Variants in GOLGA2 observed in about 807,000 individuals in gnomAD.
GOLGA2 encodes golgin A2.
A neutral mutation model predicts 148.8 loss-of-function variants in GOLGA2; 49 were observed. The observed-to-expected ratio is 0.33, with a 90% CI of 0.26 to 0.42. GOLGA2 has a LOEUF of 0.42. Among genes scored for constraint, GOLGA2 ranks in the 10% least tolerant of loss-of-function variants. The pLI is 1.00. For synonymous variants in GOLGA2, 501 were observed against 511.8 expected (o/e 0.98, Z 0.28); for missense variants, 1,178 against 1,304.6 (o/e 0.90, Z 1.49).
chr9:128,256,957 A>G lies in GOLGA2; in HGVS notation c.*110T>C, dbSNP rs373245132. 5.0e-6 allele frequency: 4 copies of G among 807,158 alleles called. 1 individual carries two copies. The highest frequency in any genetic ancestry group is 4.9e-5 in the South Asian group (3 of 60,942). 50.0% of individuals were successfully genotyped at this position (807,158 alleles called of 1,614,324 possible). A position where few individuals can be genotyped will look rare whatever the true frequency, so the allele number is the denominator to read the frequency against. The stretch of plus-strand genomic sequence containing the variant: ...GTCTACCCCCGTTAGACAGGGGTCT[A>G]TGCTTGCTACTGTAAGGGTAAAGGG... On this transcript the variant is annotated 3_prime_UTR_variant, in exon 27 of 27. Transcript: ENST00000611957.
chr9:128,267,598 T>C (rs930817188), intron 6 of GOLGA2, 81 bp from the exon 7 acceptor site: 3 of 1,049,592 alleles, frequency 2.9e-6, no homozygotes, highest in Middle Eastern at 2.0e-4. Context: ...TCCCCAGCAA[T>C]TGGCAACATT....
chr9:128,272,498 A>G (rs907297521), intron 3 of GOLGA2, among the ~76,000 whole-genome samples: 50 of 152,068 alleles, frequency 3.3e-4, no homozygotes, highest in African/African-American at 1.2e-3. Flanking sequence ...AAGAAGAAAA[A>G]AAAAAGCCCC....
chr9:128,268,905 C>T (rs1370822022), intron 3 of GOLGA2, among the ~76,000 whole-genome samples: 1 of 152,214 alleles, frequency 6.6e-6, no homozygotes, highest in East Asian at 1.9e-4. Context: ...CAGAGTGACC[C>T]TCACTGGGCC....
chr9:128,267,314 G>A (rs750349436), intron 7 of GOLGA2, 40 bp from the exon 8 acceptor site: 14 of 1,474,528 alleles, frequency 9.5e-6, no homozygotes, highest in African/African-American at 1.4e-5. Flanking sequence ...AGGAGGATTG[G>A]GGGGAGAGGT....
rs748279738 is a variant in GOLGA2, at chr9:128,263,034, G to A, written c.992C>T (p.Thr331Ile). 1.4e-5 allele frequency: 23 copies of A among 1,597,614 alleles called. No homozygotes were observed. The highest frequency in any genetic ancestry group is 2.2e-5 in the East Asian group (1 of 44,684). The change falls in exon 13 of 27, where the codon ACC (threonine) becomes ATC (isoleucine). Residue 331 changes from threonine (T) to isoleucine (I), a missense_variant and splice_region_variant. By Grantham distance (89) the Thr-to-Ile change is moderately conservative. Around this residue, in one of 5 missense-constraint regions of GOLGA2, gnomAD observed 304 missense variants for 404.1 expected, o/e 0.75. Transcript: ENST00000611957. ...CCCATCCCACCATCCCCCATCCTAC[G>A]TGTTCTTGTATAACTCCAGCCTGAG... ...DALRLELYKN[T>I]QSNEDLKQEK...
chr9:128,259,986 C>A, intron 19 of GOLGA2, 90 bp downstream of exon 19: 1 of 884,872 alleles, frequency 1.1e-6, no homozygotes, highest in Non-Finnish European at 1.9e-6. Context: ...GTCACCTGTG[C>A]CCCAGGCTGG....
rs1324589524 is a variant in GOLGA2, at chr9:128,261,740, T to G, written c.1152A>C (p.Glu384Asp). ...GTAACTGCTGGTTAGCATCAGGGGC[T>G]TCACACCGGCTTGAAAACTGGATGG... is the stretch of plus-strand genomic sequence containing the variant. ...LLLQQFSSRC[E>D]APDANQQLQQ... Residue 384 changes from glutamate to aspartate, a missense_variant, in exon 15 of 27, where the codon GAA (glutamate) becomes GAC (aspartate). Physicochemically the swap from Glu to Asp is conservative, Grantham distance 45. Transcript: ENST00000611957. The surrounding 1 kb of genome is among the most constrained non-coding windows in gnomAD (Gnocchi z 5.7). 6.2e-6 allele frequency: 10 copies of G among 1,612,616 alleles called. No homozygotes were observed. Among genetic ancestry groups the G allele is most frequent in the Non-Finnish European group, 8.5e-6 (10 of 1,178,614 alleles).
At chr9:128,268,582 A>G (rs1830745494) in intron 3 of GOLGA2, 58 bp from the exon 4 acceptor site, 1 of 883,878 alleles carries the variant, frequency 1.1e-6, no homozygotes, top group Non-Finnish European at 1.9e-6. Flanking sequence ...CCTCAGTACT[A>G]TGAACACAAG....
In GOLGA2 at chr9:128,267,446, A is replaced by G; in HGVS notation, c.561+12T>C. 6.2e-7 allele frequency: 1 copy of G among 1,609,024 alleles called. No homozygotes were observed. Among genetic ancestry groups the G allele is most frequent in the African/African-American group, 1.3e-5 (1 of 74,932 alleles). On this transcript the variant is annotated intron_variant, in intron 7 of 26. Transcript: ENST00000611957. Reference sequence around the variant, plus strand: ...CTGCAGGGTCACTGGGCCACGGCCCAGGGCCTCTTACCTCCAGATCCTTCA... The same window carrying G: ...CTGCAGGGTCACTGGGCCACGGCCCGGGGCCTCTTACCTCCAGATCCTTCA...
chr9:128,258,640 C>T lies in GOLGA2; in HGVS notation c.2174-70G>A, dbSNP rs1830061670. Reference sequence around the variant, plus strand: ...ACAGTGGGCCCACCTCTGCCCCCACCCTCACTGTGTAACCCTGGGCCAGCC... The same window carrying T: ...ACAGTGGGCCCACCTCTGCCCCCACTCTCACTGTGTAACCCTGGGCCAGCC... On this transcript the variant is annotated intron_variant, in intron 21 of 26. Coordinates refer to ENST00000611957, the MANE Select transcript of GOLGA2 (RefSeq NM_001366244.2). The surrounding 1 kb of genome is among the most constrained non-coding windows in gnomAD (Gnocchi z 6.6). The T allele has an allele frequency of 1.8e-6, 2 of 1,140,320 alleles. No individual in the cohort carries two copies. Among genetic ancestry groups the T allele is most frequent in the South Asian group, 1.4e-5 (1 of 71,098 alleles). The allele number at this position is 1,140,320 out of a possible 1,614,324, so 70.6% of individuals were successfully genotyped here. A position where few individuals can be genotyped will look rare whatever the true frequency, so the allele number is the denominator to read the frequency against.
At chr9:128,268,338 G>A (rs1050021740) in intron 4 of GOLGA2, 82 bp downstream of exon 4, 85 of 1,050,484 alleles carry the variant, frequency 8.1e-5, no homozygotes, top group Non-Finnish European at 1.2e-4. Context: ...CTTGACCCTA[G>A]GGAACAAGCT....
Position 128,271,100 on chromosome 9 carries a change from G to GA in GOLGA2, c.288+1684dup, listed in dbSNP as rs1830914891. Among the ~76,000 whole-genome samples the GA allele has an allele frequency of 6.6e-6, 1 of 152,168 alleles. No individual in the cohort carries two copies. Among genetic ancestry groups the GA allele is most frequent in the Non-Finnish European group, 1.5e-5 (1 of 68,024 alleles). On this transcript the variant is annotated intron_variant, in intron 3 of 26. Transcript: ENST00000611957. This position sits in a 1 kb window ranked among gnomAD's most constrained non-coding sequence, Gnocchi z 4.4. ...ACGGGGATCTAGGCCTTTGTTTCCA[G>GA]AATAGAGGGACCTGGGCTGGCACAG...
Position 128,256,924 on chromosome 9 carries a change from C to T in GOLGA2, c.*143G>A. On this transcript the variant is annotated 3_prime_UTR_variant, in exon 27 of 27. Transcript: ENST00000611957. ...TAGATGACAGTGATCTTCACCTCAT[C>T]TGCACCTGTCTACCCCCGTTAGACA... The T allele has an allele frequency of 1.6e-6, 1 of 637,514 alleles. No individual in the cohort carries two copies. The allele number at this position is 637,514 out of a possible 1,614,324, so 39.5% of individuals were successfully genotyped here.
rs1401930214 is a variant in GOLGA2 at position 128,261,632 on chromosome 9, A to G, written c.1224+36T>C. On this transcript the variant is annotated intron_variant, in intron 15 of 26. Transcript: ENST00000611957. This position sits in a 1 kb window ranked among gnomAD's most constrained non-coding sequence, Gnocchi z 5.7. ...CACCTACTCCTGGCCACCTGGGGTC[A>G]TCTTCCTTCTACATCCCTCCCCTGC... is the stretch of plus-strand genomic sequence containing the variant. 6 of 1,542,896 alleles carry G rather than the reference A, an allele frequency of 3.9e-6. No individual in the cohort carries two copies. In the African/African-American group the frequency reaches 5.4e-5, roughly 14 times the overall value.
chr9:128,268,651 G>C, intron 3 of GOLGA2, 127 bp from the exon 4 acceptor site: 2 of 637,424 alleles, frequency 3.1e-6, no homozygotes, highest in Admixed American at 4.3e-5. Context: ...CACATGCTAG[G>C]AGCCACTCAG....
chr9:128,260,136 C>G lies in GOLGA2; in HGVS notation c.1812G>C (p.Lys604Asn), dbSNP rs780988029. The change falls in exon 19 of 27, where the codon AAG becomes AAC. Residue 604 changes from lysine (K) to asparagine (N), a missense_variant. By Grantham distance (94) the Lys-to-Asn change is moderately conservative (BLOSUM62 0). This residue lies in a region of GOLGA2 where 529 missense variants were observed against 521.8 expected (regional missense o/e 1.01). Transcript: ENST00000611957. This position sits in a 1 kb window ranked among gnomAD's most constrained non-coding sequence, Gnocchi z 4.8. ...TSALQSEQHV[K>N]RELGKKLGEL... ...CGCCCAGCTTCTTTCCCAGCTCCCT[C>G]TTGACGTGCTGCTCCGACTGCAGTG... 7.4e-6 allele frequency: 12 copies of G among 1,611,136 alleles called. 1 individual carries two copies. The South Asian group carries it at 1.3e-4, about 18-fold the overall frequency.
chr9:128,268,560 G>T lies in GOLGA2; in HGVS notation c.289-36C>A, dbSNP rs73672482. ...ACAGAGCAGGGGGTTAGGGGGCCAT[G>T]CGGGAGAGGTGCCTCAGTACTATGA... On this transcript the variant is annotated intron_variant, in intron 3 of 26. Coordinates refer to ENST00000611957, the MANE Select transcript of GOLGA2 (RefSeq NM_001366244.2). 8.1e-4 allele frequency: 939 copies of T among 1,158,518 alleles called. 3 individuals are homozygous for T. The African/African-American group carries it at 0.013, about 16-fold the overall frequency. 71.8% of individuals were successfully genotyped at this position (1,158,518 alleles called of 1,614,324 possible).
chr9:128,275,449 G>A, intron 1 of GOLGA2: 1 of 1,299,338 alleles, frequency 7.7e-7, no homozygotes, highest in East Asian at 3.1e-5. Flanking sequence ...GGTCCTTGGA[G>A]ACCCGAGACC....
chr9:128,267,312 TG>T (rs1830650591), intron 7 of GOLGA2, 38 bp from the exon 8 acceptor site: 1 of 1,472,828 alleles, frequency 6.8e-7, no homozygotes. Context: ...GGAGGAGGAT[TG>T]GGGGGAGAGG....
Sources: allele counts gnomAD v4.1 joint callset (sites outside exome capture counted in the v4.1 genomes callset), GRCh38; gene constraint gnomAD v4.1.1; regional missense constraint gnomAD v4.1.1; non-coding constraint Gnocchi (gnomAD v3.1); transcripts MANE v1.5; gene names NCBI Gene and HGNC (gene_info 2026-07-23, HGNC 2026-07-21).